Variants in ARSF observed in about 807,000 individuals in gnomAD.
ARSF encodes arylsulfatase F.
In ARSF, 33 loss-of-function variants were observed where a neutral mutation model predicts 35.4. The observed-to-expected ratio is 0.93, with a 90% confidence interval of 0.71 to 1.25. ARSF has a LOEUF of 1.25. ARSF is among the 50% of genes most tolerant of loss of function. The pLI is 0.00. For synonymous variants in ARSF, 222 were observed against 193.1 expected (o/e 1.15, Z -1.24); for missense variants, 501 against 480.2 (o/e 1.04, Z -0.40).
chrX:3,099,971 T>C (rs1380944508), intron 7 of ARSF, among the ~76,000 whole-genome samples: 1 of 112,163 alleles, frequency 8.9e-6, no homozygotes, highest in African/African-American at 3.2e-5. Context: ...TAACCAACAG[T>C]AGAACACATA....
chrX:3,107,417 A>G (rs2146835690), intron 9 of ARSF, among the ~76,000 whole-genome samples: 1 of 111,953 alleles, frequency 8.9e-6, no homozygotes, highest in East Asian at 2.8e-4. Flanking sequence ...AATATTAAAT[A>G]TGAACTTAAA....
intron 1 of ARSF, among the ~76,000 whole-genome samples, chrX:3,063,211 T>A (rs2090049524): frequency 8.9e-6 from 1 of 111,874 alleles, no homozygotes; most frequent in Non-Finnish European, 1.9e-5. Context: ...AACCACATGA[T>A]TATCTCAATA....
At chrX:3,071,462 C>G (rs994802565) in intron 2 of ARSF, among the ~76,000 whole-genome samples, 1 of 110,534 alleles carries the variant, frequency 9.0e-6, no homozygotes, top group Non-Finnish European at 1.9e-5. Context: ...TGCCACTACA[C>G]TCGGCTAATT....
chrX:3,066,270 G>A (rs2147488056), intron 1 of ARSF, among the ~76,000 whole-genome samples: 1 of 111,939 alleles, frequency 8.9e-6, no homozygotes, highest in East Asian at 2.8e-4. Flanking sequence ...TTGCATCAGT[G>A]TTTAATATAA....
chrX:3,103,740 A>T, intron 8 of ARSF, 22 bp from the exon 9 acceptor site: 1 of 1,207,695 alleles, frequency 8.3e-7, no homozygotes, highest in Non-Finnish European at 1.1e-6. Context: ...CAATAATTGA[A>T]CTTAATTGCA....
intron 1 of ARSF, among the ~76,000 whole-genome samples, chrX:3,056,110 C>T (rs940604346): frequency 1.0e-4 from 11 of 110,120 alleles, no homozygotes; most frequent in Middle Eastern, 4.7e-3. Flanking sequence ...GTGTGTGCCA[C>T]CGTGCCTGGA....
intron 9 of ARSF, among the ~76,000 whole-genome samples, chrX:3,106,333 C>T (rs2090411172): frequency 8.9e-6 from 1 of 112,244 alleles, no homozygotes; most frequent in South Asian, 3.7e-4. Flanking sequence ...TATTCCTATG[C>T]TTGGTTCTCC....
chrX:3,065,606 C>T (rs1238374374), intron 1 of ARSF, among the ~76,000 whole-genome samples: 1 of 102,436 alleles, frequency 9.8e-6, no homozygotes, highest in African/African-American at 3.6e-5. Context: ...TGCTGCACTC[C>T]AGCTTCGGCA....
chrX:3,111,254 A>G (rs1236918414), intron 10 of ARSF, among the ~76,000 whole-genome samples: 1 of 111,605 alleles, frequency 9.0e-6, no homozygotes, highest in Non-Finnish European at 1.9e-5. Context: ...AATTCTAGGC[A>G]GACTAAAGAT....
chrX:3,087,485 G>T (rs763205441), intron 6 of ARSF, among the ~76,000 whole-genome samples: 1 of 110,685 alleles, frequency 9.0e-6, no homozygotes, highest in African/African-American at 3.3e-5. Flanking sequence ...CTCTTATAAC[G>T]ACAATAGTCA....
At chrX:3,045,467 G>A (rs2089970810) in intron 1 of ARSF, among the ~76,000 whole-genome samples, 1 of 111,248 alleles carries the variant, frequency 9.0e-6, no homozygotes, top group Admixed American at 9.6e-5. Flanking sequence ...AAGATTGGTT[G>A]GACCAGGTGT....
intron 6 of ARSF, 64 bp downstream of exon 6, chrX:3,084,730 A>C: frequency 9.8e-7 from 1 of 1,018,471 alleles, no homozygotes; most frequent in Non-Finnish European, 1.3e-6. Flanking sequence ...AAGGACCTAG[A>C]TAGATCTGTA....
At chrX:3,071,193 T>C (rs758402371) in intron 2 of ARSF, among the ~76,000 whole-genome samples, 1 of 111,721 alleles carries the variant, frequency 9.0e-6, no homozygotes, top group Admixed American at 9.6e-5. Flanking sequence ...ATATATCACA[T>C]TTTCTTTATC....
At chrX:3,079,492 G>A (rs2090180808) in intron 4 of ARSF, among the ~76,000 whole-genome samples, 1 of 108,630 alleles carries the variant, frequency 9.2e-6, no homozygotes, top group Non-Finnish European at 1.9e-5. Context: ...TTACAGGCAT[G>A]TACCACCACG....
At chrX:3,065,882 T>C (rs1273847927) in intron 1 of ARSF, among the ~76,000 whole-genome samples, 1 of 110,534 alleles carries the variant, frequency 9.0e-6, no homozygotes, top group Non-Finnish European at 1.9e-5. Flanking sequence ...GAGGATTGCT[T>C]GAGCCCAGGA....
intron 6 of ARSF, among the ~76,000 whole-genome samples, chrX:3,086,819 A>G (rs2090252076): frequency 9.0e-6 from 1 of 111,369 alleles, no homozygotes; most frequent in South Asian, 3.8e-4. Context: ...CCCTGTCTTA[A>G]AAAATAAAAA....
intron 3 of ARSF, among the ~76,000 whole-genome samples, chrX:3,073,780 T>C (rs1430650995): frequency 9.6e-6 from 1 of 104,527 alleles, no homozygotes; most frequent in African/African-American, 3.4e-5. Context: ...TATTCATAAA[T>C]ATATAAATGT....
chrX:3,090,812 G>A (rs1022897134), intron 7 of ARSF, among the ~76,000 whole-genome samples: 15 of 111,715 alleles, frequency 1.3e-4, no homozygotes, highest in Admixed American at 4.8e-4. Context: ...TGGTGTATAC[G>A]TACCACATTT....
intron 3 of ARSF, among the ~76,000 whole-genome samples, chrX:3,074,945 A>G (rs1054620415): frequency 2.7e-5 from 3 of 111,680 alleles, no homozygotes; most frequent in African/African-American, 9.8e-5. Context: ...ATCATGCGGT[A>G]TTTGTCTCTC....
Sources: gnomAD v4.1 joint callset for allele counts (sites outside exome capture counted in the v4.1 genomes callset) on GRCh38, gnomAD v4.1.1 for gene constraint, MANE v1.5 for transcripts, NCBI Gene and HGNC (gene_info 2026-07-23, HGNC 2026-07-21) for gene names.